The following BRPF3 variants were observed in gnomAD, a reference collection of about 807,000 sequenced individuals.
The protein encoded by BRPF3 is bromodomain and PHD finger containing 3, also known as bromodomain and PHD finger-containing protein 3.
BRPF3 carries 18 observed loss-of-function variants against 102.0 expected under a neutral mutation model. The ratio of observed to expected loss-of-function variants is 0.18; its 90% confidence interval spans 0.12 to 0.26. The LOEUF (loss-of-function observed/expected upper bound fraction) is 0.26, where lower values mean the gene tolerates loss of function less well. Among genes scored for constraint, BRPF3 ranks in the 10% least tolerant of loss-of-function variants. The probability of loss-of-function intolerance (pLI) is 1.00; values close to 1 mark genes in which losing one functional copy is unlikely to be tolerated. For synonymous variants in BRPF3, 570 were observed against 614.2 expected (o/e 0.93, Z 1.06); for missense variants, 1,147 against 1,567.8 (o/e 0.73, Z 4.53).
intron 9 of BRPF3, among the ~76,000 whole-genome samples, chr6:36,220,418 G>A (rs1336012683): frequency 2.6e-5 from 4 of 152,190 alleles, no homozygotes; most frequent in Admixed American, 2.0e-4. Context: ...CATGGGGAGT[G>A]TAAGCCTCGG....
intron 11 of BRPF3, among the ~76,000 whole-genome samples, chr6:36,226,294 T>C (rs373774233): frequency 2.8e-4 from 43 of 152,342 alleles, no homozygotes; most frequent in African/African-American, 1.0e-3. Context: ...ACACCAGCAG[T>C]AACTAAACTT....
At chr6:36,216,003 T>G (rs978032520) in intron 8 of BRPF3, among the ~76,000 whole-genome samples, 3 of 152,120 alleles carry the variant, frequency 2.0e-5, no homozygotes, top group African/African-American at 7.2e-5. Flanking sequence ...TACCTTCCCA[T>G]CTCGTCTGGC....
At chr6:36,212,374 G>C (rs1002678419) in intron 7 of BRPF3, among the ~76,000 whole-genome samples, 2 of 152,086 alleles carry the variant, frequency 1.3e-5, no homozygotes, top group Non-Finnish European at 2.9e-5. Flanking sequence ...GGCCCAAATT[G>C]TAGGTAACAG....
In BRPF3 at chr6:36,230,329, C is replaced by T; in HGVS notation, c.3435-97C>T. ...TGCTTCCCTCTGCCCTGTACCCTCT[C>T]CCTGGCTTTGCTGGTCCTGGCCAAG... On this transcript the variant is annotated intron_variant, in intron 12 of 12. Transcript: ENST00000357641. This position sits in a 1 kb window ranked among gnomAD's most constrained non-coding sequence, Gnocchi z 5.4. 1.6e-6 allele frequency: 2 copies of T among 1,284,236 alleles called. No homozygotes were observed. The highest frequency in any genetic ancestry group is 2.2e-6 in the Non-Finnish European group (2 of 905,472). The allele number at this position is 1,284,236 out of a possible 1,614,324, so 79.6% of individuals were successfully genotyped here. A position where few individuals can be genotyped will look rare whatever the true frequency, so the allele number is the denominator to read the frequency against.
intron 9 of BRPF3, among the ~76,000 whole-genome samples, chr6:36,219,373 G>A (rs1336789073): frequency 6.6e-6 from 1 of 152,186 alleles, no homozygotes; most frequent in Admixed American, 6.5e-5. Flanking sequence ...AATCTTACAC[G>A]ATGCTTCTAG....
chr6:36,209,823 A>G lies in BRPF3; in HGVS notation c.1774A>G (p.Met592Val), dbSNP rs868277211. The change falls in exon 5 of 13, where the codon ATG becomes GTG. Residue 592 changes from methionine to valine, a missense_variant. Transcript: ENST00000357641. ...VQQAAMELEL[M>V]PFNVLLRTTL... ...GCAGGCTGCCATGGAGCTGGAGCTGATGCCATTCAATGTTCTGTTGAGGAC... is the reference window on the plus strand; with the variant it reads ...GCAGGCTGCCATGGAGCTGGAGCTGGTGCCATTCAATGTTCTGTTGAGGAC... 2 of 1,614,218 alleles carry G rather than the reference A, an allele frequency of 1.2e-6. No homozygotes were observed. The highest frequency in any genetic ancestry group is 1.7e-6 in the Non-Finnish European group (2 of 1,180,026).
chr6:36,201,871 C>T lies in BRPF3; in HGVS notation c.1448+101C>T, dbSNP rs1767718771. ...CGCTAAACACAGTTGGACACTATAT[C>T]CTCCTCCCCGAATTTAAACTCTTCC... On this transcript the variant is annotated intron_variant, in intron 2 of 12. Transcript: ENST00000357641. The surrounding 1 kb of genome is among the most constrained non-coding windows in gnomAD (Gnocchi z 5.1). 1.4e-6 allele frequency: 2 copies of T among 1,464,670 alleles called. No individual in the cohort carries two copies. Among genetic ancestry groups the T allele is most frequent in the African/African-American group, 1.4e-5 (1 of 70,532 alleles). 90.7% of individuals were successfully genotyped at this position (1,464,670 alleles called of 1,614,324 possible). A position where few individuals can be genotyped will look rare whatever the true frequency, so the allele number is the denominator to read the frequency against.
intron 9 of BRPF3, among the ~76,000 whole-genome samples, chr6:36,218,512 T>G (rs1170793588): frequency 2.0e-5 from 3 of 147,256 alleles, no homozygotes; most frequent in Non-Finnish European, 4.4e-5. Flanking sequence ...CAGGCTGGAG[T>G]GCAGTGGCCC....
intron 1 of BRPF3, chr6:36,197,400 TC>T (rs1048907154): frequency 2.6e-5 from 4 of 152,270 alleles, no homozygotes; most frequent in Non-Finnish European, 5.9e-5. Flanking sequence ...AGGGTCGGAC[TC>T]CACGTCAGGC....
chr6:36,214,947 C>T (rs1436122871), intron 8 of BRPF3, among the ~76,000 whole-genome samples: 2 of 151,320 alleles, frequency 1.3e-5, no homozygotes, highest in African/African-American at 2.4e-5. Flanking sequence ...AGGGGAAGAA[C>T]ATTCCAAAAA....
chr6:36,197,503 C>G (rs1332621847), intron 1 of BRPF3: 1 of 152,352 alleles, frequency 6.6e-6, no homozygotes, highest in African/African-American at 2.4e-5. Context: ...AAGAGGTGCC[C>G]CCTTAAAGGA....
At position 36,230,275 on chromosome 6, in the gene BRPF3, G is replaced by C. The variant is rs933428282; in HGVS notation, c.3435-151G>C. On this transcript the variant is annotated intron_variant, in intron 12 of 12. Coordinates refer to ENST00000357641, the MANE Select transcript of BRPF3 (RefSeq NM_015695.3). This position sits in a 1 kb window ranked among gnomAD's most constrained non-coding sequence, Gnocchi z 5.4. ...TGCTGTCCTCACCTGCTAGGTTCTT[G>C]GTGGCCTCCTGCATGGAGTCCCCCA... 6 of 651,094 alleles carry C rather than the reference G, an allele frequency of 9.2e-6. No individual in the cohort carries two copies. The highest frequency in any genetic ancestry group is 1.6e-5 in the Non-Finnish European group (6 of 370,512). The allele number at this position is 651,094 out of a possible 1,614,324, so 40.3% of individuals were successfully genotyped here.
At chr6:36,208,878 T>C (rs1364889105) in intron 4 of BRPF3, among the ~76,000 whole-genome samples, 5 of 152,230 alleles carry the variant, frequency 3.3e-5, no homozygotes, top group African/African-American at 7.2e-5. Flanking sequence ...AGCATACTAC[T>C]GTAAGTATAT....
At chr6:36,222,144 C>T (rs763996602) in intron 9 of BRPF3, 24 bp from the exon 10 acceptor site, 2 of 1,549,462 alleles carry the variant, frequency 1.3e-6, no homozygotes, top group South Asian at 2.4e-5. Context: ...TCATTTCACC[C>T]CTCTCTCCCT....
chr6:36,196,755 G>C lies in BRPF3; in HGVS notation c.-242G>C, dbSNP rs1346304583. 1 of 153,116 alleles carries C rather than the reference G, an allele frequency of 6.5e-6. No homozygotes were observed. The highest frequency in any genetic ancestry group is 2.4e-5 in the African/African-American group (1 of 41,274). The allele number at this position is 153,116 out of a possible 1,614,324, so 9.5% of individuals were successfully genotyped here. ...CTCGGCCGGGCTCCGTGGCGGCAGC[G>C]GCAGCAGCGGCGGCTCCATTCCCCC... is the stretch of plus-strand genomic sequence containing the variant. On this transcript the variant is annotated 5_prime_UTR_variant, in exon 1 of 13. Transcript: ENST00000357641.
rs776763624 is a variant in BRPF3 at position 36,201,510 on chromosome 6, G to A, written c.1188G>A (p.Arg396=). 20 of 1,614,228 alleles carry A rather than the reference G, an allele frequency of 1.2e-5. No individual in the cohort carries two copies. The highest frequency in any genetic ancestry group is 1.5e-5 in the Non-Finnish European group (18 of 1,180,036). Residue 396 remains arginine, a synonymous_variant, in exon 2 of 13, where the codon AGG becomes AGA. Coordinates refer to ENST00000357641, the MANE Select transcript of BRPF3 (RefSeq NM_015695.3). This position sits in a 1 kb window ranked among gnomAD's most constrained non-coding sequence, Gnocchi z 5.1. ...HSPPGAATAR[R]KGDSPRSISE... is the part of the protein sequence containing the mutation. ...CACCAGGTGCGGCCACTGCTAGGAG[G>A]AAGGGCGACTCCCCTAGAAGCATCA...
At position 36,200,983 on chromosome 6, in the gene BRPF3, G is replaced by C; in HGVS notation, c.661G>C (p.Asp221His). 6.2e-7 allele frequency: 1 copy of C among 1,614,172 alleles called. No individual in the cohort carries two copies. Among genetic ancestry groups the C allele is most frequent in the South Asian group, 1.1e-5 (1 of 91,086 alleles). Residue 221 changes from aspartate (D) to histidine (H), a missense_variant, in exon 2 of 13, where the codon GAT (aspartate) becomes CAT (histidine). Around this residue, in one of 11 missense-constraint regions of BRPF3, gnomAD observed 221 missense variants for 337.1 expected, o/e 0.66. Transcript: ENST00000357641. The surrounding 1 kb of genome is among the most constrained non-coding windows in gnomAD (Gnocchi z 5.3). ...CGCTTTCTGCTGTGTGTGCCTGGAT[G>C]ATGAATGTCACAATAGCAATGTTAT... ...EDAFCCVCLD[D>H]ECHNSNVILF... is the part of the protein sequence containing the mutation.
At chr6:36,214,449 C>T in intron 8 of BRPF3, 63 bp downstream of exon 8, 1 of 1,489,646 alleles carries the variant, frequency 6.7e-7, no homozygotes, top group East Asian at 2.3e-5. Flanking sequence ...CCTTGCCAAC[C>T]AGCACCTTCC....
chr6:36,214,470 A>C, intron 8 of BRPF3, 84 bp downstream of exon 8: 1 of 1,439,754 alleles, frequency 6.9e-7, no homozygotes, highest in Non-Finnish European at 9.2e-7. Flanking sequence ...CCAATTGGCC[A>C]TCTCTCTAAT....
Sources: allele counts gnomAD v4.1 joint callset (sites outside exome capture counted in the v4.1 genomes callset), GRCh38; gene constraint gnomAD v4.1.1; regional missense constraint gnomAD v4.1.1; non-coding constraint Gnocchi (gnomAD v3.1); transcripts MANE v1.5; gene names NCBI Gene and HGNC (gene_info 2026-07-23, HGNC 2026-07-21).